The following MORC1 variants were observed in gnomAD, a reference collection of about 807,000 sequenced individuals.
MORC1 encodes MORC family CW-type zinc finger 1, also known as MORC family CW-type zinc finger protein 1.
In MORC1, 59 loss-of-function variants were observed where a neutral mutation model predicts 134.9. The ratio of observed to expected loss-of-function variants is 0.44; its 90% CI spans 0.35 to 0.54. MORC1 has a LOEUF of 0.54. MORC1 is among the 20% of genes least tolerant of loss of function. MORC1 has a pLI of 0.00. For missense variants in MORC1, 947 were observed against 1,134.5 expected, an observed-to-expected ratio of 0.83 and a Z score of 2.37; for synonymous variants, 395 against 391.7, an observed-to-expected ratio of 1.01 and a Z score of -0.10.
intron 8 of MORC1, among the ~76,000 whole-genome samples, chr3:109,073,302 T>C (rs76669416): frequency 0.032 from 4,904 of 150,942 alleles, 251 homozygotes; most frequent in African/African-American, 0.11. Context: ...AAACTAATGT[T>C]CTGTGGCTAA....
Position 109,035,394 on chromosome 3 carries a change from A to T in MORC1, c.1405T>A (p.Ser469Thr). ...GCTTGTCTTCTTTGATATTGAAAAG[A>T]ATTTAAAGGTTTCTCCACATCGATG... ...NDIDVEKPLN[S>T]FQYQRRQAMG... Residue 469 changes from serine to threonine, a missense_variant, in exon 15 of 28, where the codon TCT (serine) becomes ACT (threonine). Physicochemically the swap from Ser to Thr is moderately conservative, Grantham distance 58 (BLOSUM62 1). Around this residue, in one of 3 missense-constraint regions of MORC1, gnomAD observed 722 missense variants for 817.0 expected, o/e 0.88. Transcript: ENST00000232603. The T allele has an allele frequency of 1.9e-6, 3 of 1,568,920 alleles. No homozygotes were observed. Among genetic ancestry groups the T allele is most frequent in the Middle Eastern group, 3.4e-4 (2 of 5,956 alleles).
At chr3:109,034,367 A>C (rs994798053) in intron 15 of MORC1, among the ~76,000 whole-genome samples, 1 of 152,126 alleles carries the variant, frequency 6.6e-6, no homozygotes, top group Non-Finnish European at 1.5e-5. Flanking sequence ...TTAGTTACAG[A>C]TATTAGAGAC....
intron 17 of MORC1, 94 bp downstream of exon 17, chr3:109,027,657 T>C: frequency 6.8e-7 from 1 of 1,479,004 alleles, no homozygotes; most frequent in East Asian, 2.3e-5. Flanking sequence ...ATTATACACA[T>C]TTTATTGTGT....
chr3:109,043,169 AGCAAAATGTG>A (rs71764834), intron 14 of MORC1, among the ~76,000 whole-genome samples: 9,376 of 94,058 alleles, frequency 0.1, 524 homozygotes, highest in Middle Eastern at 0.19. Flanking sequence ...TGAATGGATA[AGCAAAATGTG>A]GCAAAATGTG....
intron 21 of MORC1, among the ~76,000 whole-genome samples, chr3:108,987,510 G>C (rs1431311528): frequency 1.3e-5 from 2 of 152,108 alleles, no homozygotes; most frequent in African/African-American, 4.8e-5. Flanking sequence ...AGAATCCCAG[G>C]CCAGTTGCCT....
rs775620236 is a variant in MORC1, at chr3:109,027,826, T to G, written c.1629A>C (p.Ser543=). Residue 543 remains serine, a synonymous_variant, in exon 17 of 28, where the codon TCA becomes TCC. Coordinates refer to ENST00000232603, the MANE Select transcript of MORC1 (RefSeq NM_014429.4). The part of the protein sequence containing the change: ...PLGTMSTISP[S]KNEKEKQLRE... ...TAAGTTGCTTCTCTTTCTCATTTTT[T>G]GATGGTGATATTGTGCTCATGGTGC... is the stretch of plus-strand genomic sequence containing the variant. 3 of 1,613,914 alleles carry G rather than the reference T, an allele frequency of 1.9e-6. No individual in the cohort carries two copies. The highest frequency in any genetic ancestry group is 3.3e-5 in the Admixed American group (2 of 59,990).
In MORC1 at chr3:108,973,595, G is replaced by T. The variant is rs9331265; in HGVS notation, c.2478-2193C>A. Among the ~76,000 whole-genome samples, 682 of 77,856 alleles carry T rather than the reference G, an allele frequency of 8.8e-3. 10 individuals are homozygous for T. Among genetic ancestry groups the T allele is most frequent in the Middle Eastern group, 0.019 (2 of 108 alleles). The allele number at this position is 77,856 out of a possible 152,430, so 51.1% of individuals were successfully genotyped here. ...TTCGTTTTTTGTTTGCTTTGTTTTG[G>T]TTTTTTTTTTTTTTTTTCAGACTGA... On this transcript the variant is annotated intron_variant, in intron 24 of 27. Coordinates refer to ENST00000232603, the MANE Select transcript of MORC1 (RefSeq NM_014429.4).
intron 16 of MORC1, among the ~76,000 whole-genome samples, chr3:109,031,510 T>G (rs1359385849): frequency 6.6e-6 from 1 of 152,190 alleles, no homozygotes; most frequent in East Asian, 1.9e-4. Flanking sequence ...TTAACTATTC[T>G]TAATATTGAA....
intron 6 of MORC1, among the ~76,000 whole-genome samples, chr3:109,098,420 G>C (rs1327929423): frequency 1.3e-5 from 2 of 152,056 alleles, no homozygotes; most frequent in African/African-American, 4.8e-5. Context: ...GCTCCCACAC[G>C]GCTTACTCCT....
intron 2 of MORC1, among the ~76,000 whole-genome samples, chr3:109,112,332 A>G (rs1280270116): frequency 6.6e-6 from 1 of 152,172 alleles, no homozygotes; most frequent in Admixed American, 6.5e-5. Context: ...AATATCTTTC[A>G]GTTCTAATTT....
At position 109,103,400 on chromosome 3, in the gene MORC1, G is replaced by T. The variant is rs138114827; in HGVS notation, c.223+449C>A. 2.0e-5 allele frequency among the ~76,000 whole-genome samples: 3 copies of T among 152,238 alleles called. No homozygotes were observed. In the East Asian group the frequency reaches 5.8e-4, roughly 29 times the overall value. ...AAGCAAGTAAAGCTTTCAAAATGCA[G>T]AGGAAAAAACAAGGCTAAAAACAAG... On this transcript the variant is annotated intron_variant, in intron 4 of 27. Transcript: ENST00000232603.
intron 10 of MORC1, among the ~76,000 whole-genome samples, chr3:109,062,521 C>G (rs1034528666): frequency 6.6e-6 from 1 of 151,416 alleles, no homozygotes; most frequent in Non-Finnish European, 1.5e-5. Flanking sequence ...CCCAGGTTCA[C>G]GCCATTCTCC....
intron 4 of MORC1, among the ~76,000 whole-genome samples, chr3:109,101,300 G>A (rs1454563663): frequency 6.6e-6 from 1 of 152,126 alleles, no homozygotes; most frequent in Non-Finnish European, 1.5e-5. Context: ...ACTAAGAGGG[G>A]CAGGATGACC....
At chr3:109,069,795 C>T in intron 8 of MORC1, 38 bp from the exon 9 acceptor site, 2 of 1,566,050 alleles carry the variant, frequency 1.3e-6, no homozygotes, top group East Asian at 2.3e-5. Flanking sequence ...ATACAGAGGA[C>T]ACAACAACTA....
intron 17 of MORC1, among the ~76,000 whole-genome samples, chr3:109,025,903 A>G (rs1470967837): frequency 6.6e-6 from 1 of 152,228 alleles, no homozygotes; most frequent in African/African-American, 2.4e-5. Context: ...TACCTGGTAT[A>G]TGCCAGGCAC....
intron 23 of MORC1, among the ~76,000 whole-genome samples, chr3:108,982,599 A>C (rs1947764212): frequency 6.8e-6 from 1 of 147,716 alleles, no homozygotes. Flanking sequence ...GGGCAGGGGG[A>C]GGGATAGCAT....
chr3:108,987,911 G>T (rs530505392), intron 21 of MORC1, among the ~76,000 whole-genome samples: 1 of 151,874 alleles, frequency 6.6e-6, no homozygotes, highest in South Asian at 2.1e-4. Context: ...CAAGCAGAAG[G>T]CAAAAGCTCC....
intron 23 of MORC1, 82 bp from the exon 24 acceptor site, chr3:108,979,749 G>C: frequency 6.7e-7 from 1 of 1,499,268 alleles, no homozygotes; most frequent in Non-Finnish European, 9.1e-7. Context: ...TGAGTGAAAT[G>C]TTCATATACA....
intron 8 of MORC1, among the ~76,000 whole-genome samples, chr3:109,078,546 A>C (rs1258002391): frequency 6.6e-6 from 1 of 151,966 alleles, no homozygotes; most frequent in Non-Finnish European, 1.5e-5. Flanking sequence ...TACAGCTATT[A>C]TATAACGCAG....
Sources: gnomAD v4.1 joint callset for allele counts (sites outside exome capture counted in the v4.1 genomes callset) on GRCh38, gnomAD v4.1.1 for gene constraint, gnomAD v4.1.1 regional missense constraint, MANE v1.5 for transcripts, NCBI Gene and HGNC (gene_info 2026-07-23, HGNC 2026-07-21) for gene names.